The following MAP3K6 variants were observed in gnomAD, a reference collection of about 807,000 sequenced individuals.
The protein encoded by MAP3K6 is mitogen-activated protein kinase kinase kinase 6, also known as apoptosis signal-regulating kinase 2.
Under a neutral mutation model 147.1 loss-of-function variants are expected in MAP3K6, and 105 were observed. The ratio of observed to expected loss-of-function variants is 0.71; its 90% confidence interval spans 0.61 to 0.84. The LOEUF (loss-of-function observed/expected upper bound fraction) is 0.84, where lower values mean the gene tolerates loss of function less well. Ranked by LOEUF, MAP3K6 falls within the 40% of genes least tolerant of loss-of-function variation. The pLI is 0.00. For synonymous variants in MAP3K6, 695 were observed against 732.4 expected (o/e 0.95, Z 0.82); for missense variants, 1,569 against 1,715.0 (o/e 0.91, Z 1.50).
At chr1:27,363,722 C>T (rs940542811) in intron 5 of MAP3K6, among the ~76,000 whole-genome samples, 174 bp from the exon 6 acceptor site, 6 of 152,216 alleles carry the variant, frequency 3.9e-5, no homozygotes, top group African/African-American at 1.2e-4. Flanking sequence ...CCATGCTGGG[C>T]GTTCCCAACC....
Position 27,357,709 on chromosome 1 carries a change from A to T in MAP3K6, c.3081+2T>A, listed in dbSNP as rs1201617180. On this transcript the variant is annotated splice_donor_variant, in intron 22 of 28. Coordinates refer to ENST00000357582, the MANE Select transcript of MAP3K6 (RefSeq NM_004672.5). LOFTEE classifies it high-confidence loss of function. Reference sequence around the variant, plus strand: ...CAGGGGGCGCTAGAGTGGGCCGCCCACCTGCTCTTGCTTCTGCTCCTGGTG... The same window carrying T: ...CAGGGGGCGCTAGAGTGGGCCGCCCTCCTGCTCTTGCTTCTGCTCCTGGTG... 3.7e-6 allele frequency: 6 copies of T among 1,610,280 alleles called. No homozygotes were observed. The highest frequency in any genetic ancestry group is 5.1e-6 in the Non-Finnish European group (6 of 1,179,658).
chr1:27,366,434 G>T lies in MAP3K6; in HGVS notation c.164C>A (p.Pro55Gln), dbSNP rs2015990098. The change falls in exon 1 of 29, where the codon CCG becomes CAG. Residue 55 changes from proline (P) to glutamine (Q), a missense_variant. Transcript: ENST00000357582. This position sits in a 1 kb window ranked among gnomAD's most constrained non-coding sequence, Gnocchi z 5.5. The stretch of plus-strand genomic sequence containing the variant: ...CTCCCGAGGCTCGAGCCCGGGCTGC[G>T]GCTCCCGGGTCAGCACGTAGACCAC... Reference protein sequence around the residue: ...LSVVYVLTREPQPGLEPREGT... With the variant: ...LSVVYVLTREQQPGLEPREGT... 8.2e-7 allele frequency: 1 copy of T among 1,218,846 alleles called. No individual in the cohort carries two copies. Among genetic ancestry groups the T allele is most frequent in the Non-Finnish European group, 1.0e-6 (1 of 979,546 alleles). 75.5% of individuals were successfully genotyped at this position (1,218,846 alleles called of 1,614,324 possible).
At position 27,360,113 on chromosome 1, in the gene MAP3K6, C is replaced by T. The variant is rs2015690370; in HGVS notation, c.2183-119G>A. The T allele has an allele frequency of 3.8e-6, 6 of 1,576,690 alleles. No homozygotes were observed. Among genetic ancestry groups the T allele is most frequent in the Non-Finnish European group, 5.2e-6 (6 of 1,156,512 alleles). Reference sequence around the variant, plus strand: ...AACTCCATCACCCAGCGCCACTCCTCAGCTAATTCTAGGCTACACCACCCA... The same window carrying T: ...AACTCCATCACCCAGCGCCACTCCTTAGCTAATTCTAGGCTACACCACCCA... On this transcript the variant is annotated intron_variant, in intron 16 of 28. Coordinates refer to ENST00000357582, the MANE Select transcript of MAP3K6 (RefSeq NM_004672.5). The surrounding 1 kb of genome is among the most constrained non-coding windows in gnomAD (Gnocchi z 4.5).
Position 27,364,139 on chromosome 1 carries a change from A to G in MAP3K6, c.696-54T>C. 6.3e-7 allele frequency: 1 copy of G among 1,599,020 alleles called. No homozygotes were observed. The highest frequency in any genetic ancestry group is 8.5e-7 in the Non-Finnish European group (1 of 1,172,272). On this transcript the variant is annotated intron_variant, in intron 4 of 28. Transcript: ENST00000357582. The surrounding 1 kb of genome is among the most constrained non-coding windows in gnomAD (Gnocchi z 4.4). ...GAGAGAATGGTGGGGCCTGTACCTC[A>G]GCCCCAGCCCACCATACCCTCACCA...
chr1:27,366,669 CA>C lies in MAP3K6; in HGVS notation c.-73del. ...GGGGCAGGAGCCTGGGCCGGCAGAT[CA>C]GGAATCTTGGGATCTGGAATCCGTT... On this transcript the variant is annotated 5_prime_UTR_variant, in exon 1 of 29. Transcript: ENST00000357582. This position sits in a 1 kb window ranked among gnomAD's most constrained non-coding sequence, Gnocchi z 5.5. 9.8e-7 allele frequency: 1 copy of C among 1,020,924 alleles called. No homozygotes were observed. The highest frequency in any genetic ancestry group is 1.7e-5 in the African/African-American group (1 of 58,212). 63.2% of individuals were successfully genotyped at this position (1,020,924 alleles called of 1,614,324 possible).
In MAP3K6 at chr1:27,366,294, C is replaced by T. The variant is rs865810715; in HGVS notation, c.304G>A (p.Gly102Ser). Residue 102 changes from glycine to serine, a missense_variant, in exon 1 of 29, where the codon GGC (glycine) becomes AGC (serine). Gly to Ser is a moderately conservative substitution (Grantham distance 56, BLOSUM62 0). Coordinates refer to ENST00000357582, the MANE Select transcript of MAP3K6 (RefSeq NM_004672.5). This position sits in a 1 kb window ranked among gnomAD's most constrained non-coding sequence, Gnocchi z 5.5. ...RSLPFGTLEL[G>S]DTAALDAFYN... ...AAGGCATCCAGAGCCGCGGTGTCGC[C>T]TAGCTCCAGCGTCCCGAAGGGCAGG... 7.5e-7 allele frequency: 1 copy of T among 1,334,332 alleles called. No homozygotes were observed. The highest frequency in any genetic ancestry group is 9.6e-7 in the Non-Finnish European group (1 of 1,043,686). The allele number at this position is 1,334,332 out of a possible 1,614,324, so 82.7% of individuals were successfully genotyped here. A position where few individuals can be genotyped will look rare whatever the true frequency, so the allele number is the denominator to read the frequency against.
At chr1:27,357,931 T>A in intron 21 of MAP3K6, 55 bp from the exon 22 acceptor site, 1 of 1,516,862 alleles carries the variant, frequency 6.6e-7, no homozygotes, top group Non-Finnish European at 8.8e-7. Flanking sequence ...GCCAGTCACC[T>A]CTGTTGCCGG....
Position 27,358,771 on chromosome 1 carries a change from CA to C in MAP3K6, c.2520del (p.Ile840MetfsTer152), listed in dbSNP as rs769594515. The C allele has an allele frequency of 1.9e-6, 3 of 1,613,912 alleles. No homozygotes were observed. The highest frequency in any genetic ancestry group is 1.7e-5 in the Admixed American group (1 of 59,982). On this transcript the variant is annotated frameshift_variant, in exon 19 of 29. Transcript: ENST00000357582. LOFTEE classifies it high-confidence loss of function. This position sits in a 1 kb window ranked among gnomAD's most constrained non-coding sequence, Gnocchi z 6.2. ...ADIWSLGCTV[I>X]EMATGRPPFH... ...AAGGGGGGGCGACCTGTGGCCATCT[CA>C]ATGACAGTGCAGCCCAGTGACCAGA... is the stretch of plus-strand genomic sequence containing the variant.
chr1:27,358,739 C>A lies in MAP3K6; in HGVS notation c.2553G>T (p.Glu851Asp), dbSNP rs1186587328. ...EMATGRPPFH[E>D]LGSPQAAMFQ... ...ACATGGCAGCCTGTGGGCTCCCGAG[C>A]TCGTGGAAGGGGGGGCGACCTGTGG... The change falls in exon 19 of 29, where the codon GAG (glutamate) becomes GAT (aspartate). Residue 851 changes from glutamate (E) to aspartate (D), a missense_variant. Physicochemically the swap from Glu to Asp is conservative, Grantham distance 45. Transcript: ENST00000357582. This position sits in a 1 kb window ranked among gnomAD's most constrained non-coding sequence, Gnocchi z 6.2. 3.1e-6 allele frequency: 5 copies of A among 1,613,838 alleles called. No individual in the cohort carries two copies. The Admixed American group carries it at 8.3e-5, about 27-fold the overall frequency.
rs2015715299 is a variant in MAP3K6, at chr1:27,360,669, A to T, written c.2054+36T>A. 6.3e-7 allele frequency: 1 copy of T among 1,585,452 alleles called. No individual in the cohort carries two copies. Among genetic ancestry groups the T allele is most frequent in the Non-Finnish European group, 8.6e-7 (1 of 1,166,444 alleles). On this transcript the variant is annotated intron_variant, in intron 15 of 28. Transcript: ENST00000357582. The surrounding 1 kb of genome is among the most constrained non-coding windows in gnomAD (Gnocchi z 4.5). Reference sequence around the variant, plus strand: ...TGGCCCGGCTCACTCGGCCCTCGCGAGCCCTCAGCCCCACCCGCGCTGCCA... The same window carrying T: ...TGGCCCGGCTCACTCGGCCCTCGCGTGCCCTCAGCCCCACCCGCGCTGCCA...
intron 24 of MAP3K6, 37 bp from the exon 25 acceptor site, chr1:27,356,786 A>G: frequency 6.5e-7 from 1 of 1,527,134 alleles, no homozygotes; most frequent in Non-Finnish European, 8.8e-7. Context: ...CAAGGCTACA[A>G]CGCCCGTTTG....
Position 27,356,400 on chromosome 1 carries a change from G to A in MAP3K6, c.3625C>T (p.Pro1209Ser). The A allele has an allele frequency of 6.2e-7, 1 of 1,609,282 alleles. No individual in the cohort carries two copies. Among genetic ancestry groups the A allele is most frequent in the Non-Finnish European group, 8.5e-7 (1 of 1,177,938 alleles). ...AAGGCCCACTCACTTGGAGGCTCTG[G>A]GGCCAGGACATAGGTCCGGGCTTCC... ...NEEARTYVLA[P>S]EPPTALSTDQ... Residue 1209 changes from proline to serine, a missense_variant, in exon 26 of 29, where the codon CCA becomes TCA. Physicochemically the swap from Pro to Ser is moderately conservative, Grantham distance 74 (BLOSUM62 -1). Coordinates refer to ENST00000357582, the MANE Select transcript of MAP3K6 (RefSeq NM_004672.5).
chr1:27,356,535 G>C, intron 25 of MAP3K6, 35 bp from the exon 26 acceptor site: 1 of 1,611,816 alleles, frequency 6.2e-7, no homozygotes, highest in East Asian at 2.2e-5. Flanking sequence ...GGAGCGGTGA[G>C]TGGTGAGTGG....
chr1:27,359,548 T>G lies in MAP3K6; in HGVS notation c.2320-26A>C. Reference sequence around the variant, plus strand: ...CTGATTGACAGCCATTAGTGGACACTGGTCTGGGCCCCTGCCAGCAGAAGT... The same window carrying G: ...CTGATTGACAGCCATTAGTGGACACGGGTCTGGGCCCCTGCCAGCAGAAGT... On this transcript the variant is annotated intron_variant, in intron 17 of 28. Coordinates refer to ENST00000357582, the MANE Select transcript of MAP3K6 (RefSeq NM_004672.5). The surrounding 1 kb of genome is among the most constrained non-coding windows in gnomAD (Gnocchi z 4.4). The G allele has an allele frequency of 1.2e-6, 2 of 1,613,890 alleles. No individual in the cohort carries two copies. The highest frequency in any genetic ancestry group is 1.7e-6 in the Non-Finnish European group (2 of 1,179,908).
intron 24 of MAP3K6, 91 bp downstream of exon 24, chr1:27,356,918 G>A (rs1571060948): frequency 2.1e-6 from 3 of 1,449,240 alleles, no homozygotes; most frequent in Non-Finnish European, 2.8e-6. Flanking sequence ...CCCCTGTCCC[G>A]CCTGGCCCCC....
Position 27,366,254 on chromosome 1 carries a change from T to C in MAP3K6, c.340+4A>G. 7.6e-7 allele frequency: 1 copy of C among 1,318,206 alleles called. No individual in the cohort carries two copies. The highest frequency in any genetic ancestry group is 3.1e-5 in the East Asian group (1 of 32,454). The allele number at this position is 1,318,206 out of a possible 1,614,324, so 81.7% of individuals were successfully genotyped here. The stretch of plus-strand genomic sequence containing the variant: ...GGATCCGGCCCCGCCCCCAGCGCTC[T>C]CACCCGCGTTGTAGAAGGCATCCAG... On this transcript the variant is annotated splice_donor_region_variant and intron_variant, in intron 1 of 28. Coordinates refer to ENST00000357582, the MANE Select transcript of MAP3K6 (RefSeq NM_004672.5). The surrounding 1 kb of genome is among the most constrained non-coding windows in gnomAD (Gnocchi z 5.5).
chr1:27,366,637 C>CG lies in MAP3K6; in HGVS notation c.-41dup. ...GCGCGGGGCGCCGCGCACTGGGAAC[C>CG]GGGGGCGGGGCAGGAGCCTGGGCCG... On this transcript the variant is annotated 5_prime_UTR_variant, in exon 1 of 29. Transcript: ENST00000357582. This position sits in a 1 kb window ranked among gnomAD's most constrained non-coding sequence, Gnocchi z 5.5. 9.3e-7 allele frequency: 1 copy of CG among 1,073,142 alleles called. No homozygotes were observed. The highest frequency in any genetic ancestry group is 1.1e-6 in the Non-Finnish European group (1 of 886,564). The allele number at this position is 1,073,142 out of a possible 1,614,324, so 66.5% of individuals were successfully genotyped here.
At chr1:27,356,324 G>C (rs986379790) in intron 26 of MAP3K6, 64 bp downstream of exon 26, 28 of 1,441,784 alleles carry the variant, frequency 1.9e-5, no homozygotes, top group Non-Finnish European at 2.3e-5. Flanking sequence ...TGAGCCCAAG[G>C]GTGCCTTGTG....
At chr1:27,361,676 C>T (rs1248262987) in intron 10 of MAP3K6, 29 bp downstream of exon 10, 1 of 1,614,032 alleles carries the variant, frequency 6.2e-7, no homozygotes, top group African/African-American at 1.3e-5. Context: ...TTACCCCTTT[C>T]CCGGGTCCAC....
Sources: allele counts gnomAD v4.1 joint callset (sites outside exome capture counted in the v4.1 genomes callset), GRCh38; gene constraint gnomAD v4.1.1; non-coding constraint Gnocchi (gnomAD v3.1); transcripts MANE v1.5; gene names NCBI Gene and HGNC (gene_info 2026-07-23, HGNC 2026-07-21).